SH3BGR: variants seen among roughly 807,000 people sequenced by gnomAD.
The protein encoded by SH3BGR is SH3 domain-binding glutamic acid-rich protein.
Under a neutral mutation model 24.5 loss-of-function variants are expected in SH3BGR, and 29 were observed. That is an observed-to-expected ratio of 1.18 (90% confidence interval 0.88 to 1.61). The LOEUF (loss-of-function observed/expected upper bound fraction) is 1.61. SH3BGR is among the 40% of genes most tolerant of loss of function. SH3BGR has a pLI of 0.00. For missense variants in SH3BGR, 162 were observed against 205.8 expected (o/e 0.79, Z 1.30); for synonymous variants, 55 against 65.7 (o/e 0.84, Z 0.79).
chr21:39,492,613 ACTT>A (rs1285234304), intron 3 of SH3BGR, among the ~76,000 whole-genome samples: 1 of 151,858 alleles, frequency 6.6e-6, no homozygotes, highest in Non-Finnish European at 1.5e-5. Flanking sequence ...TTGTATAATG[ACTT>A]CTTTTCCTCT....
rs1602186588 is a variant in SH3BGR at position 39,511,727 on chromosome 21, G to A, written c.483G>A (p.Glu161=). 5 of 1,580,264 alleles carry A rather than the reference G, an allele frequency of 3.2e-6. No homozygotes were observed. Among genetic ancestry groups the A allele is most frequent in the Non-Finnish European group, 4.3e-6 (5 of 1,166,184 alleles). ...MEGAEGEAEE[E]EETAEGEEPG... ...GTGCGGAAGGGGAAGCCGAGGAGGA[G>A]GAAGAAACTGCAGAAGGAGAAGAGC... Residue 161 remains glutamate (E), a synonymous_variant, in exon 6 of 7, where the codon GAG becomes GAA. Coordinates refer to ENST00000333634, the MANE Select transcript of SH3BGR (RefSeq NM_007341.3). The surrounding 1 kb of genome is among the most constrained non-coding windows in gnomAD (Gnocchi z 4.2).
At chr21:39,470,019 A>C (rs191654084) in intron 2 of SH3BGR, among the ~76,000 whole-genome samples, 10 of 152,176 alleles carry the variant, frequency 6.6e-5, no homozygotes, top group Admixed American at 6.6e-4. Context: ...TTTTTGACCC[A>C]TGTATTGAAA....
intron 2 of SH3BGR, among the ~76,000 whole-genome samples, chr21:39,473,085 A>T (rs981694406): frequency 6.6e-6 from 1 of 152,044 alleles, no homozygotes; most frequent in African/African-American, 2.4e-5. Context: ...CAGAACTGGG[A>T]GTTGAAAACC....
At chr21:39,506,431 A>G (rs919452819) in intron 4 of SH3BGR, among the ~76,000 whole-genome samples, 2 of 152,220 alleles carry the variant, frequency 1.3e-5, no homozygotes, top group Admixed American at 1.3e-4. Flanking sequence ...AAGGAGGTGT[A>G]TTAGTCTGTT....
intron 1 of SH3BGR, among the ~76,000 whole-genome samples, chr21:39,456,857 G>A (rs776588740): frequency 3.9e-5 from 6 of 152,132 alleles, no homozygotes; most frequent in African/African-American, 7.2e-5. Flanking sequence ...TTGAGTAAGT[G>A]TTGTGTTGTG....
At chr21:39,510,424 G>C (rs1197242408) in intron 5 of SH3BGR, among the ~76,000 whole-genome samples, 30 of 70,874 alleles carry the variant, frequency 4.2e-4, no homozygotes, top group East Asian at 9.6e-4. Context: ...CACACACACT[G>C]TAGCTACACA....
Position 39,468,713 on chromosome 21 carries a change from A to G in SH3BGR, c.231+6153A>G, listed in dbSNP as rs1036090511. Reference sequence around the variant, plus strand: ...CTTGACCCCCCAACGTGCTGGGATTACTGGTGTGAATCACTATGCCTAGAC... The same window carrying G: ...CTTGACCCCCCAACGTGCTGGGATTGCTGGTGTGAATCACTATGCCTAGAC... On this transcript the variant is annotated intron_variant, in intron 2 of 6. Coordinates refer to ENST00000333634, the MANE Select transcript of SH3BGR (RefSeq NM_007341.3). Among the ~76,000 whole-genome samples the G allele has an allele frequency of 2.6e-5, 4 of 152,342 alleles. No individual in the cohort carries two copies. The South Asian group carries it at 6.2e-4, about 24-fold the overall frequency.
chr21:39,453,604 A>G (rs1303991961), intron 1 of SH3BGR, among the ~76,000 whole-genome samples: 1 of 152,150 alleles, frequency 6.6e-6, no homozygotes, highest in Non-Finnish European at 1.5e-5. Context: ...GTTTGGGCCC[A>G]TAATTTAGTT....
At chr21:39,492,194 A>G (rs1214318573) in intron 3 of SH3BGR, among the ~76,000 whole-genome samples, 1 of 152,064 alleles carries the variant, frequency 6.6e-6, no homozygotes, top group African/African-American at 2.4e-5. Flanking sequence ...AGCAGTGTAC[A>G]CTGCACCCTA....
upstream of SH3BGR, among the ~76,000 whole-genome samples, chr21:39,447,305 T>C (rs551099763): frequency 9.9e-5 from 15 of 152,092 alleles, no homozygotes; most frequent in South Asian, 1.2e-3. Flanking sequence ...AATTGAAAGG[T>C]AGAGTTTCCT....
At chr21:39,466,101 G>T (rs942123534) in intron 2 of SH3BGR, among the ~76,000 whole-genome samples, 1 of 152,210 alleles carries the variant, frequency 6.6e-6, no homozygotes, top group Admixed American at 6.5e-5. Context: ...CTGAGTTAAA[G>T]TACATACGCG....
At chr21:39,498,714 A>G (rs966933296) in intron 3 of SH3BGR, among the ~76,000 whole-genome samples, 2 of 152,160 alleles carry the variant, frequency 1.3e-5, no homozygotes, top group Non-Finnish European at 2.9e-5. Flanking sequence ...CATCGTCCCC[A>G]TGCCCGTTTC....
intron 2 of SH3BGR, among the ~76,000 whole-genome samples, chr21:39,469,568 G>C (rs1050109510): frequency 6.6e-6 from 1 of 150,696 alleles, no homozygotes; most frequent in Non-Finnish European, 1.5e-5. Flanking sequence ...CAATATTTAA[G>C]GCTAGAAATT....
At chr21:39,489,860 A>G (rs1342122611) in intron 3 of SH3BGR, among the ~76,000 whole-genome samples, 1 of 152,206 alleles carries the variant, frequency 6.6e-6, no homozygotes, top group African/African-American at 2.4e-5. Flanking sequence ...ACATTGAATA[A>G]TAGTGAAATC....
intron 2 of SH3BGR, among the ~76,000 whole-genome samples, chr21:39,463,257 T>A (rs970612713): frequency 6.6e-6 from 1 of 152,262 alleles, no homozygotes; most frequent in African/African-American, 2.4e-5. Context: ...TGTGTAACTT[T>A]AATTAGTTTG....
At chr21:39,503,493 CCT>C (rs1388380078) in intron 4 of SH3BGR, among the ~76,000 whole-genome samples, 1 of 152,118 alleles carries the variant, frequency 6.6e-6, no homozygotes. Context: ...GAGCAAAAAA[CCT>C]CTCTCCAGCA....
chr21:39,446,429 A>G (rs945811272), intron 1 of SH3BGR, among the ~76,000 whole-genome samples: 3 of 152,146 alleles, frequency 2.0e-5, no homozygotes, highest in African/African-American at 7.2e-5. Context: ...GTCACCCCTG[A>G]CTGTTTCCTT....
chr21:39,493,592 A>G (rs1280538997), intron 3 of SH3BGR, among the ~76,000 whole-genome samples: 4 of 152,082 alleles, frequency 2.6e-5, no homozygotes. Context: ...TGCTTTGGCT[A>G]TGTGGGCTCT....
intron 4 of SH3BGR, among the ~76,000 whole-genome samples, chr21:39,508,594 G>GTT (rs2078623470): frequency 6.6e-6 from 1 of 152,178 alleles, no homozygotes; most frequent in East Asian, 1.9e-4. Context: ...TAAAGACATA[G>GTT]TTATAAGGGC....
Sources: gnomAD v4.1 joint callset for allele counts (sites outside exome capture counted in the v4.1 genomes callset) on GRCh38, gnomAD v4.1.1 for gene constraint, Gnocchi (gnomAD v3.1) non-coding constraint, MANE v1.5 for transcripts, NCBI Gene and HGNC (gene_info 2026-07-23, HGNC 2026-07-21) for gene names.